TTN: variants seen among roughly 807,000 people sequenced by gnomAD.
TTN encodes the protein titin, also known as connectin.
TTN carries 1,525 observed loss-of-function variants against 3,223.0 expected under a neutral mutation model. The observed-to-expected ratio is 0.47, with a 90% confidence interval of 0.45 to 0.49. The LOEUF (loss-of-function observed/expected upper bound fraction) is 0.49. TTN is among the 20% of genes least tolerant of loss of function. The pLI, the probability that TTN is intolerant of heterozygous loss-of-function variation, is 0.00. For missense variants in TTN, 40,786 were observed against 43,424.0 expected, an observed-to-expected ratio of 0.94 and a Z score of 5.40; for synonymous variants, 14,094 against 15,161.0, an observed-to-expected ratio of 0.93 and a Z score of 5.17.
At chr2:178,707,848 A>G in intron 99 of TTN, 35 bp from the exon 100 acceptor site, 19 of 1,534,222 alleles carry the variant, frequency 1.2e-5, no homozygotes, top group Non-Finnish European at 1.7e-5. Flanking sequence ...GAGGAACATA[A>G]AGGCAAAAAA....
In TTN at chr2:178,782,228, G is replaced by A. The variant is rs2154349646; in HGVS notation, c.3364C>T (p.Leu1122=). ...HVYWKKSGVP[L]TTGYRYKVSY... is the part of the protein sequence containing the mutation. ...TCAAAATACCTGTATCCAGTGGTTA[G>A]AGGAACACCAGATTTTTTCCAGTAT... The change falls in exon 20 of 363, where the codon CTA becomes TTA. Residue 1122 remains leucine (L), a synonymous_variant. Transcript: ENST00000589042. 1 of 1,614,114 alleles carries A rather than the reference G, an allele frequency of 6.2e-7. No homozygotes were observed. The highest frequency in any genetic ancestry group is 8.5e-7 in the Non-Finnish European group (1 of 1,179,976).
At chr2:178,733,162 G>C in intron 54 of TTN, 41 bp from the exon 55 acceptor site, 1 of 1,561,272 alleles carries the variant, frequency 6.4e-7, no homozygotes. Context: ...CAATATAGAA[G>C]AGTGCTCAGT....
rs774144830 is a variant in TTN, at chr2:178,590,893, G to A, written c.60832C>T (p.Pro20278Ser). Residue 20278 changes from proline to serine, a missense_variant, in exon 304 of 363, where the codon CCA (proline) becomes TCA (serine). Coordinates refer to ENST00000589042, the MANE Select transcript of TTN (RefSeq NM_001267550.2). ...TTTTCAGTAATGTCAGTAACCACTG[G>A]TTTACCAGGAGGAGACGGAGGACTA... ...KFSPPSPPGK[P>S]VVTDITENAA... 28 of 1,611,706 alleles carry A rather than the reference G, an allele frequency of 1.7e-5. No homozygotes were observed. The highest frequency in any genetic ancestry group is 5.1e-6 in the Non-Finnish European group (6 of 1,178,154).
chr2:178,560,828 A>G lies in TTN; in HGVS notation c.85304T>C (p.Val28435Ala). Reference sequence around the variant, plus strand: ...AACGGCCACAGACCGAGTGCCGGCAACATTCTTCAGTGTTAGTACATATTG... The same window carrying G: ...AACGGCCACAGACCGAGTGCCGGCAGCATTCTTCAGTGTTAGTACATATTG... ...TGQYVLTLKN[V>A]AGTRSVAVNC... Residue 28435 changes from valine (V) to alanine (A), a missense_variant, in exon 326 of 363, where the codon GTT (valine) becomes GCT (alanine). By Grantham distance (64) the Val-to-Ala change is moderately conservative (BLOSUM62 0). Transcript: ENST00000589042. The G allele has an allele frequency of 1.9e-6, 3 of 1,613,724 alleles. No individual in the cohort carries two copies.
chr2:178,681,101 C>T lies in TTN; in HGVS notation c.33318G>A (p.Gln11106=), dbSNP rs2069278793. The T allele has an allele frequency of 6.2e-7, 1 of 1,603,620 alleles. No individual in the cohort carries two copies. Among genetic ancestry groups the T allele is most frequent in the African/African-American group, 1.3e-5 (1 of 74,348 alleles). ...TACCTTTAGCAGCGGGTTCAGTCAC[C>T]TGCTCTTTTTCACGTTTGGTAATTG... ...RISITKREKE[Q]VTEPAAKVPM... The change falls in exon 138 of 363, where the codon CAG becomes CAA. Residue 11106 remains glutamine (Q), a synonymous_variant. Coordinates refer to ENST00000589042, the MANE Select transcript of TTN (RefSeq NM_001267550.2).
At position 178,539,421 on chromosome 2, in the gene TTN, A is replaced by G; in HGVS notation, c.98644T>C (p.Leu32882=). The change falls in exon 352 of 363, where the codon TTG becomes CTG. Residue 32882 remains leucine (L), a synonymous_variant. Coordinates refer to ENST00000589042, the MANE Select transcript of TTN (RefSeq NM_001267550.2). The stretch of plus-strand genomic sequence containing the variant: ...GGTGTGACTGGTTCCTCAGATTTCA[A>G]GGGTTTGCTTATGCCAAACTGGTTT... ...AENQFGISKP[L]KSEEPVTPKT... The G allele has an allele frequency of 6.2e-7, 1 of 1,613,690 alleles. No individual in the cohort carries two copies. The highest frequency in any genetic ancestry group is 8.5e-7 in the Non-Finnish European group (1 of 1,179,636).
chr2:178,533,079 C>T lies in TTN; in HGVS notation c.103536G>A (p.Pro34512=), dbSNP rs772961147. The part of the protein sequence containing the change: ...ALREAAVLYK[P]AVSTKTVKGE... The stretch of plus-strand genomic sequence containing the variant: ...CTTTTACAGTCTTGGTGCTTACAGC[C>T]GGTTTATAAAGGACAGCAGCTTCTC... Residue 34512 remains proline, a synonymous_variant, in exon 358 of 363, where the codon CCG becomes CCA. Transcript: ENST00000589042. 1.3e-5 allele frequency: 21 copies of T among 1,613,724 alleles called. No individual in the cohort carries two copies. The highest frequency in any genetic ancestry group is 3.3e-5 in the Admixed American group (2 of 59,986).
Position 178,543,234 on chromosome 2 carries a change from C to G in TTN, c.96739G>C (p.Glu32247Gln), listed in dbSNP as rs1695477466. The G allele has an allele frequency of 6.2e-7, 1 of 1,613,662 alleles. No individual in the cohort carries two copies. The highest frequency in any genetic ancestry group is 1.7e-5 in the Admixed American group (1 of 59,968). Residue 32247 changes from glutamate (E) to glutamine (Q), a missense_variant, in exon 347 of 363, where the codon GAG becomes CAG. Transcript: ENST00000589042. ...AAGGTGACAACCTTCATCCATCTCT[C>G]TGTGCCAGCTTTGCAGGCCTCGAGA... ...YVLEACKAGT[E>Q]RWMKVVTLKP... is the part of the protein sequence containing the mutation.
intron 29 of TTN, 107 bp downstream of exon 29, chr2:178,774,814 T>C: frequency 7.7e-7 from 1 of 1,304,012 alleles, no homozygotes; most frequent in Non-Finnish European, 1.1e-6. Flanking sequence ...TATAGTCAAT[T>C]TCCAAATAAT....
At chr2:178,782,648 C>A (rs2154349898) in intron 18 of TTN, 46 bp from the exon 19 acceptor site, 1 of 1,609,900 alleles carries the variant, frequency 6.2e-7, no homozygotes, top group East Asian at 2.2e-5. Flanking sequence ...TGTTTAGTGA[C>A]CCCTGCTTAG....
Position 178,552,943 on chromosome 2 carries a change from T to G in TTN, c.89957A>C (p.Lys29986Thr), listed in dbSNP as rs1382190597. Residue 29986 changes from lysine (K) to threonine (T), a missense_variant, in exon 335 of 363, where the codon AAA becomes ACA. Physicochemically the swap from Lys to Thr is moderately conservative, Grantham distance 78. Coordinates refer to ENST00000589042, the MANE Select transcript of TTN (RefSeq NM_001267550.2). ...TKRTWSVVSHKCSSTSFKLID... is the reference protein window; with the variant it reads ...TKRTWSVVSHTCSSTSFKLID... ...TAGCTTGAAGGATGTGCTAGAACAT[T>G]TGTGTGACACGACAGACCATGTTCT... 6.2e-7 allele frequency: 1 copy of G among 1,613,622 alleles called. No individual in the cohort carries two copies. Among genetic ancestry groups the G allele is most frequent in the Non-Finnish European group, 8.5e-7 (1 of 1,179,798 alleles).
rs2056436094 is a variant in TTN, at chr2:178,612,112, G to A, written c.50299C>T (p.His16767Tyr). The A allele has an allele frequency of 1.9e-6, 3 of 1,611,986 alleles. No individual in the cohort carries two copies. The highest frequency in any genetic ancestry group is 2.5e-6 in the Non-Finnish European group (3 of 1,178,964). The change falls in exon 267 of 363, where the codon CAT (histidine) becomes TAT (tyrosine). Residue 16767 changes from histidine to tyrosine, a missense_variant. Physicochemically the swap from His to Tyr is moderately conservative, Grantham distance 83. Transcript: ENST00000589042. Reference sequence around the variant, plus strand: ...GGTGGCTCCCACTTTAGGTCAACATGTCGTTTTGTCACATCAACCACTGCC... The same window carrying A: ...GGTGGCTCCCACTTTAGGTCAACATATCGTTTTGTCACATCAACCACTGCC... ...ALAVVDVTKR[H>Y]VDLKWEPPKN...
chr2:178,642,259 C>G lies in TTN; in HGVS notation c.40536G>C (p.Lys13512Asn). 5 of 1,593,666 alleles carry G rather than the reference C, an allele frequency of 3.1e-6. No individual in the cohort carries two copies. The highest frequency in any genetic ancestry group is 4.3e-6 in the Non-Finnish European group (5 of 1,168,982). The stretch of plus-strand genomic sequence containing the variant: ...TACCGCTTTTCAGAACAACTTCTTC[C>G]TTTGGTTCAGGTTTACGTTCCGGAA... ...KLLPERKPEPKEEVVLKSVLR... is the reference protein window; with the variant it reads ...KLLPERKPEPNEEVVLKSVLR... Residue 13512 changes from lysine (K) to asparagine (N), a missense_variant, in exon 219 of 363, where the codon AAG becomes AAC. Physicochemically the swap from Lys to Asn is moderately conservative, Grantham distance 94 (BLOSUM62 0). Coordinates refer to ENST00000589042, the MANE Select transcript of TTN (RefSeq NM_001267550.2).
rs760592586 is a variant in TTN, at chr2:178,609,998, G to GA, written c.51437-13dup. The stretch of plus-strand genomic sequence containing the variant: ...TGGATCAGGGGGTTCTGAAGAACAA[G>GA]AAAAAAATGTTAGTATCAGGAAAAC... On this transcript the variant is annotated splice_polypyrimidine_tract_variant and intron_variant, in intron 271 of 362. Transcript: ENST00000589042. The GA allele has an allele frequency of 5.6e-6, 9 of 1,607,514 alleles. No individual in the cohort carries two copies. The East Asian group carries it at 6.7e-5, about 12-fold the overall frequency.
chr2:178,540,140 G>T lies in TTN; in HGVS notation c.98026C>A (p.Leu32676Ile). 1.2e-6 allele frequency: 2 copies of T among 1,613,304 alleles called. No homozygotes were observed. Among genetic ancestry groups the T allele is most frequent in the South Asian group, 2.2e-5 (2 of 91,058 alleles). ...CCAGGTCCACCAGCATTACAAGCTA[G>T]GACGCGGAACCTGTATTCTGCACCC... is the stretch of plus-strand genomic sequence containing the variant. ...PQGAEYRFRV[L>I]ACNAGGPGEP... The change falls in exon 351 of 363, where the codon CTA (leucine) becomes ATA (isoleucine). Residue 32676 changes from leucine (L) to isoleucine (I), a missense_variant. By Grantham distance (5) the Leu-to-Ile change is conservative (BLOSUM62 2). Coordinates refer to ENST00000589042, the MANE Select transcript of TTN (RefSeq NM_001267550.2).
At chr2:178,583,956 A>T (rs2048348604) in intron 311 of TTN, 50 bp from the exon 312 acceptor site, 3 of 1,444,114 alleles carry the variant, frequency 2.1e-6, no homozygotes, top group Non-Finnish European at 2.8e-6. Flanking sequence ...GCAGAAGTTT[A>T]AACTTCCATA....
rs746925906 is a variant in TTN, at chr2:178,589,882, C to T, written c.61843G>A (p.Gly20615Ser). The stretch of plus-strand genomic sequence containing the variant: ...ACATCTGATGCAACAATTGACCAGC[C>T]TTTCTGGTTTGGTTTGCGATATTCT... ...IVEYRKPNQKGWSIVASDVTK... is the reference protein window; with the variant it reads ...IVEYRKPNQKSWSIVASDVTK... Residue 20615 changes from glycine (G) to serine (S), a missense_variant, in exon 304 of 363, where the codon GGC becomes AGC. By Grantham distance (56) the Gly-to-Ser change is moderately conservative. Transcript: ENST00000589042. The T allele has an allele frequency of 6.2e-7, 1 of 1,613,368 alleles. No individual in the cohort carries two copies. Among genetic ancestry groups the T allele is most frequent in the Admixed American group, 1.7e-5 (1 of 59,962 alleles).
intron 88 of TTN, among the ~76,000 whole-genome samples, chr2:178,716,670 T>C (rs2077530465): frequency 6.6e-6 from 1 of 152,160 alleles, no homozygotes; most frequent in South Asian, 2.1e-4. Context: ...ATCATTCTCA[T>C]CTGAATTCTC....
chr2:178,771,529 A>G (rs1431829868), intron 33 of TTN, 58 bp from the exon 34 acceptor site: 1 of 1,601,714 alleles, frequency 6.2e-7, no homozygotes, highest in East Asian at 2.2e-5. Flanking sequence ...CAATGGGAAA[A>G]TCTTTGCAGA....
Sources: gnomAD v4.1 joint callset for allele counts (sites outside exome capture counted in the v4.1 genomes callset) on GRCh38, gnomAD v4.1.1 for gene constraint, MANE v1.5 for transcripts, NCBI Gene and HGNC (gene_info 2026-07-23, HGNC 2026-07-21) for gene names.